The following TYW1B variants were observed in gnomAD, a reference collection of about 807,000 sequenced individuals.
TYW1B encodes the protein S-adenosyl-L-methionine-dependent tRNA 4-demethylwyosine synthase TYW1B.
Under a neutral mutation model 86.9 loss-of-function variants are expected in TYW1B, and 73 were observed. The observed-to-expected ratio is 0.84, with a 90% CI of 0.70 to 1.02. The LOEUF (loss-of-function observed/expected upper bound fraction) is 1.02. TYW1B is among the 50% of genes least tolerant of loss of function. TYW1B has a pLI of 0.00. For synonymous variants in TYW1B, 248 were observed against 292.8 expected, an observed-to-expected ratio of 0.85 and a Z score of 1.56; for missense variants, 637 against 827.4, an observed-to-expected ratio of 0.77 and a Z score of 2.82.
At chr7:72,801,536 C>T (rs1788403529) in intron 6 of TYW1B, among the ~76,000 whole-genome samples, 1 of 150,002 alleles carries the variant, frequency 6.7e-6, no homozygotes, top group Non-Finnish European at 1.5e-5. Context: ...CTTGGATTTT[C>T]TAGTAGCTTT....
At chr7:72,589,359 G>T (rs782592942) in intron 13 of TYW1B, among the ~76,000 whole-genome samples, 2 of 152,192 alleles carry the variant, frequency 1.3e-5, no homozygotes, top group Non-Finnish European at 1.5e-5. Flanking sequence ...TTGTGGGAAG[G>T]CAATAGAGGA....
chr7:72,614,589 C>T (rs528078534), intron 13 of TYW1B, among the ~76,000 whole-genome samples: 3 of 150,528 alleles, frequency 2.0e-5, no homozygotes, highest in South Asian at 4.2e-4. Flanking sequence ...GCCGAGGTTG[C>T]GTCACCACAC....
At chr7:72,653,267 G>C (rs1188932746) in intron 11 of TYW1B, among the ~76,000 whole-genome samples, 2 of 152,114 alleles carry the variant, frequency 1.3e-5, no homozygotes, top group Admixed American at 6.6e-5. Flanking sequence ...ACTTCTAGCC[G>C]GGCTAATCAA....
intron 12 of TYW1B, among the ~76,000 whole-genome samples, chr7:72,626,265 G>GCTAA (rs1315715132): frequency 2.0e-4 from 27 of 137,046 alleles, no homozygotes; most frequent in Non-Finnish European, 6.2e-5. Flanking sequence ...CTCACCAAAA[G>GCTAA]ACAGCTGTAA....
intron 11 of TYW1B, among the ~76,000 whole-genome samples, chr7:72,672,865 G>T (rs1452821788): frequency 6.6e-6 from 1 of 152,176 alleles, no homozygotes; most frequent in East Asian, 1.9e-4. Flanking sequence ...AGAAACTCAA[G>T]ATTTCAAAAG....
Position 72,769,710 on chromosome 7 carries a change from AAAC to A in TYW1B, c.964+7703_964+7705del, listed in dbSNP as rs552494165. Among the ~76,000 whole-genome samples the A allele has an allele frequency of 4.1e-3, 628 of 152,360 alleles. 3 individuals are homozygous for A. The highest frequency in any genetic ancestry group is 0.014 in the African/African-American group (595 of 41,588). On this transcript the variant is annotated intron_variant, in intron 7 of 13. Transcript: ENST00000620995. ...TTCTAGAAATCAATAATATAGAGTC[AAAC>A]AACTCAGTCTGAACAAAGATGTGAA...
At chr7:72,707,271 T>C (rs185504219) in intron 10 of TYW1B, among the ~76,000 whole-genome samples, 43 of 152,360 alleles carry the variant, frequency 2.8e-4, no homozygotes, top group Admixed American at 2.6e-3. Context: ...TTTGAAACCC[T>C]GCCACCCTGT....
chr7:72,593,174 C>T (rs1554431835), intron 13 of TYW1B, among the ~76,000 whole-genome samples: 1 of 151,998 alleles, frequency 6.6e-6, no homozygotes, highest in Non-Finnish European at 1.5e-5. Flanking sequence ...TGCCTGTAAT[C>T]CCAGCTACTC....
At chr7:72,586,653 C>T (rs145122003) in intron 13 of TYW1B, among the ~76,000 whole-genome samples, 1,905 of 152,252 alleles carry the variant, frequency 0.013, 41 homozygotes, top group African/African-American at 0.041. Context: ...AGGAGAATCA[C>T]TTGAACCTGG....
intron 11 of TYW1B, among the ~76,000 whole-genome samples, chr7:72,632,495 T>TATA (rs1240651068): frequency 2.2e-5 from 3 of 133,550 alleles, no homozygotes; most frequent in Admixed American, 8.6e-5. Context: ...TACACATATA[T>TATA]ACATATATAT....
At position 72,711,474 on chromosome 7, in the gene TYW1B, T is replaced by TA. The variant is rs1786662141; in HGVS notation, c.1370+2146_1370+2147insT. On this transcript the variant is annotated intron_variant, in intron 10 of 13. Coordinates refer to ENST00000620995, the MANE Select transcript of TYW1B (RefSeq NM_001145440.3). ...TTCGTGTTTCTCTCCTCTTTAATTC[T>TA]TTTTTTTTTTTTTTTTTTTTTTTTT... Among the ~76,000 whole-genome samples the TA allele has an allele frequency of 1.7e-4, 4 of 24,084 alleles. No individual in the cohort carries two copies. In the Admixed American group the frequency reaches 1.8e-3, roughly 11 times the overall value. 15.8% of individuals were successfully genotyped at this position (24,084 alleles called of 152,430 possible). A position where few individuals can be genotyped will look rare whatever the true frequency, so the allele number is the denominator to read the frequency against.
chr7:72,684,115 C>T (rs1813946973), intron 11 of TYW1B, among the ~76,000 whole-genome samples: 1 of 152,024 alleles, frequency 6.6e-6, no homozygotes, highest in Admixed American at 6.6e-5. Context: ...GTATGTGTAA[C>T]AGGAATACCA....
At chr7:72,650,412 G>A (rs1554442634) in intron 11 of TYW1B, among the ~76,000 whole-genome samples, 1 of 152,144 alleles carries the variant, frequency 6.6e-6, no homozygotes, top group Admixed American at 6.6e-5. Context: ...ACATAAGAAA[G>A]TGAATCTGGA....
intron 9 of TYW1B, 56 bp from the exon 10 acceptor site, chr7:72,713,854 C>A: frequency 6.7e-7 from 1 of 1,482,822 alleles, no homozygotes; most frequent in East Asian, 2.4e-5. Context: ...GAGGATGTCA[C>A]GTTTTTCTTA....
At chr7:72,803,609 G>T (rs1209178438) in intron 5 of TYW1B, among the ~76,000 whole-genome samples, 1 of 152,036 alleles carries the variant, frequency 6.6e-6, no homozygotes, top group Non-Finnish European at 1.5e-5. Context: ...ACGTTAGAGA[G>T]ATTTTTTTGT....
intron 7 of TYW1B, among the ~76,000 whole-genome samples, chr7:72,767,351 A>C (rs1230911530): frequency 6.6e-6 from 1 of 152,196 alleles, no homozygotes; most frequent in Admixed American, 6.5e-5. Flanking sequence ...TCACATCTGT[A>C]ATACCAGCAC....
intron 7 of TYW1B, chr7:72,768,856 A>G: frequency 3.4e-6 from 1 of 297,970 alleles, no homozygotes. Flanking sequence ...TCTCTGATTC[A>G]CAAACTCTAA....
At chr7:72,732,362 G>C (rs1387753303) in intron 8 of TYW1B, among the ~76,000 whole-genome samples, 2 of 152,068 alleles carry the variant, frequency 1.3e-5, no homozygotes, top group African/African-American at 4.8e-5. Flanking sequence ...ATATTCTCCA[G>C]GGCAGACCAT....
chr7:72,617,564 G>A (rs1219612053), intron 12 of TYW1B, among the ~76,000 whole-genome samples: 5 of 151,984 alleles, frequency 3.3e-5, no homozygotes, highest in Admixed American at 1.3e-4. Flanking sequence ...ATGGGGTTTC[G>A]CCATGTTGAC....
Sources: allele counts gnomAD v4.1 joint callset (sites outside exome capture counted in the v4.1 genomes callset), GRCh38; gene constraint gnomAD v4.1.1; transcripts MANE v1.5; gene names NCBI Gene and HGNC (gene_info 2026-07-23, HGNC 2026-07-21).